Variants in DNHD1 observed in about 807,000 individuals in gnomAD.
DNHD1 encodes the protein dynein heavy chain domain-containing protein 1.
In DNHD1, 383 loss-of-function variants were observed where a neutral mutation model predicts 458.1. The ratio of observed to expected loss-of-function variants is 0.84; its 90% confidence interval spans 0.77 to 0.91. DNHD1 has a LOEUF of 0.91. DNHD1 is among the 40% of genes least tolerant of loss of function. The pLI, the probability that DNHD1 is intolerant of heterozygous loss-of-function variation, is 0.00. For synonymous variants in DNHD1, 2,203 were observed against 2,376.9 expected, an observed-to-expected ratio of 0.93 and a Z score of 2.13; for missense variants, 5,336 against 5,866.1, an observed-to-expected ratio of 0.91 and a Z score of 2.95.
chr11:6,571,209 T>C lies in DNHD1; in HGVS notation c.13697T>C (p.Leu4566Ser), dbSNP rs1853841689. Reference sequence around the variant, plus strand: ...CGTGGGCAACTGTTGGTTCGTTACTTGGGCGTGGGCGCGGACGCGAGCAGT... The same window carrying C: ...CGTGGGCAACTGTTGGTTCGTTACTCGGGCGTGGGCGCGGACGCGAGCAGT... ...SRRGQLLVRY[L>S]GVGADASSDV... The change falls in exon 42 of 43, where the codon TTG (leucine) becomes TCG (serine). Residue 4566 changes from leucine (L) to serine (S), a missense_variant. This residue lies in a region of DNHD1 where 698 missense variants were observed against 664.9 expected (regional missense o/e 1.05). Transcript: ENST00000254579. This position sits in a 1 kb window ranked among gnomAD's most constrained non-coding sequence, Gnocchi z 5.0. The C allele has an allele frequency of 1.2e-6, 2 of 1,607,526 alleles. No homozygotes were observed. Among genetic ancestry groups the C allele is most frequent in the Non-Finnish European group, 1.7e-6 (2 of 1,176,184 alleles).
At position 6,519,812 on chromosome 11, in the gene DNHD1, CTTGGAA is replaced by C. The variant is rs1181706003; in HGVS notation, c.1606_1611del (p.Leu536_Glu537del). The C allele has an allele frequency of 5.0e-6, 8 of 1,612,920 alleles. No homozygotes were observed. Among genetic ancestry groups the C allele is most frequent in the African/African-American group, 1.3e-5 (1 of 74,924 alleles). On this transcript the variant is annotated inframe_deletion, in exon 8 of 43. Transcript: ENST00000254579. Reference sequence around the variant, plus strand: ...TGATTTGTCAGAGCCTCATTTCTGTCTTGGAAGAGCAGATAACCTCTTTTGTGGCCA... The same window carrying C: ...TGATTTGTCAGAGCCTCATTTCTGTCGAGCAGATAACCTCTTTTGTGGCCA...
Position 6,568,853 on chromosome 11 carries a change from C to A in DNHD1, c.12850C>A (p.His4284Asn). Residue 4284 changes from histidine (H) to asparagine (N), a missense_variant, in exon 39 of 43, where the codon CAC (histidine) becomes AAC (asparagine). His to Asn is a moderately conservative substitution (Grantham distance 68, BLOSUM62 1). Around this residue, in one of 4 missense-constraint regions of DNHD1, gnomAD observed 698 missense variants for 664.9 expected, o/e 1.05. Transcript: ENST00000254579. The part of the protein sequence containing the change: ...RQLYGTRLQA[H>N]RGRWSQVTLT... ...GCTCTATGGAACAAGGCTGCAGGCA[C>A]ACAGGGGGCGCTGGTGAGGGACCCC... 1 of 1,610,250 alleles carries A rather than the reference C, an allele frequency of 6.2e-7. No homozygotes were observed. Among genetic ancestry groups the A allele is most frequent in the East Asian group, 2.2e-5 (1 of 44,690 alleles).
Position 6,570,704 on chromosome 11 carries a change from A to C in DNHD1, c.13192A>C (p.Ser4398Arg). Residue 4398 changes from serine to arginine, a missense_variant, in exon 42 of 43, where the codon AGT (serine) becomes CGT (arginine). By Grantham distance (110) the Ser-to-Arg change is moderately radical (BLOSUM62 -1). Coordinates refer to ENST00000254579, the MANE Select transcript of DNHD1 (RefSeq NM_144666.3). ...ACCTGAACCCCGGCTCTGCGGACTG[A>C]GTGAGGGCCCCCAAGCCTGGCTGTT... Reference protein sequence around the residue: ...SPPEPRLCGLSEGPQAWLLRR... With the variant: ...SPPEPRLCGLREGPQAWLLRR... 1 of 1,611,432 alleles carries C rather than the reference A, an allele frequency of 6.2e-7. No individual in the cohort carries two copies. Among genetic ancestry groups the C allele is most frequent in the South Asian group, 1.1e-5 (1 of 90,496 alleles).
intron 32 of DNHD1, among the ~76,000 whole-genome samples, chr11:6,565,343 A>G (rs531791380): frequency 1.3e-5 from 2 of 152,338 alleles, no homozygotes; most frequent in African/African-American, 2.4e-5. Context: ...AAGAAAAGGC[A>G]TAGAAAATAC....
Position 6,567,296 on chromosome 11 carries a change from C to T in DNHD1, c.11787C>T (p.Thr3929=). 1 of 1,614,054 alleles carries T rather than the reference C, an allele frequency of 6.2e-7. No homozygotes were observed. Among genetic ancestry groups the T allele is most frequent in the Non-Finnish European group, 8.5e-7 (1 of 1,179,904 alleles). Residue 3929 remains threonine, a synonymous_variant, in exon 36 of 43, where the codon ACC becomes ACT. Coordinates refer to ENST00000254579, the MANE Select transcript of DNHD1 (RefSeq NM_144666.3). The part of the protein sequence containing the change: ...LGSTVTALGL[T]QVPLVGALGA... The stretch of plus-strand genomic sequence containing the variant: ...GCACCGTGACTGCACTGGGCCTTAC[C>T]CAAGTACCCTTGGTGGGTGCATTGG...
intron 39 of DNHD1, 82 bp downstream of exon 39, chr11:6,568,948 T>C: frequency 1.4e-6 from 2 of 1,426,826 alleles, no homozygotes; most frequent in Non-Finnish European, 1.9e-6. Context: ...TGAGTAAAAC[T>C]AATTCATCTT....
Position 6,519,904 on chromosome 11 carries a change from A to G in DNHD1, c.1647+50A>G, listed in dbSNP as rs1055736063. ...GAGGTGGCAGGCAGTCCAGGGCCAG[A>G]TGCTGAGGAATGTATACTGACATCT... On this transcript the variant is annotated intron_variant, in intron 8 of 42. Transcript: ENST00000254579. The G allele has an allele frequency of 4.3e-6, 7 of 1,612,928 alleles. No individual in the cohort carries two copies. The African/African-American group carries it at 8.0e-5, about 18-fold the overall frequency.
Position 6,544,650 on chromosome 11 carries a change from C to T in DNHD1, c.3831C>T (p.Ile1277=). Residue 1277 remains isoleucine, a synonymous_variant, in exon 20 of 43, where the codon ATC becomes ATT. Transcript: ENST00000254579. ...ATAAAGTTCTGCATGAGATGAAGAT[C>T]CAGTTTCCTAATGCTGACCTGGTAG... ...FLNKVLHEMK[I]QFPNADLNSR... 6.4e-7 allele frequency: 1 copy of T among 1,551,530 alleles called. No homozygotes were observed. Among genetic ancestry groups the T allele is most frequent in the Non-Finnish European group, 8.7e-7 (1 of 1,146,948 alleles).
Position 6,545,394 on chromosome 11 carries a change from C to G in DNHD1, c.4455C>G (p.Pro1485=). ...PSLGEALKQL[P]KQNKLYLQLY... is the part of the protein sequence containing the mutation. ...TAGGTGAGGCCCTCAAGCAACTGCC[C>G]AAGCAAAACAAGTTGTACCTGCAAC... The change falls in exon 21 of 43, where the codon CCC becomes CCG. Residue 1485 remains proline, a synonymous_variant. Coordinates refer to ENST00000254579, the MANE Select transcript of DNHD1 (RefSeq NM_144666.3). This position sits in a 1 kb window ranked among gnomAD's most constrained non-coding sequence, Gnocchi z 4.9. 1 of 1,551,756 alleles carries G rather than the reference C, an allele frequency of 6.4e-7. No individual in the cohort carries two copies. Among genetic ancestry groups the G allele is most frequent in the East Asian group, 2.4e-5 (1 of 40,924 alleles).
chr11:6,547,543 C>T lies in DNHD1; in HGVS notation c.6604C>T (p.Leu2202=). 1 of 1,551,218 alleles carries T rather than the reference C, an allele frequency of 6.4e-7. No individual in the cohort carries two copies. The highest frequency in any genetic ancestry group is 1.2e-5 in the South Asian group (1 of 84,046). Residue 2202 remains leucine (L), a synonymous_variant, in exon 21 of 43, where the codon CTG becomes TTG. Coordinates refer to ENST00000254579, the MANE Select transcript of DNHD1 (RefSeq NM_144666.3). ...FLTCQGVSSL[L]QVHGQQAVCA... ...CACCTGCCAAGGTGTCAGCTCTCTG[C>T]TGCAGGTACACGGGCAGCAGGCTGT...
chr11:6,533,570 G>A (rs1329430939), intron 13 of DNHD1, 111 bp from the exon 14 acceptor site: 1 of 1,338,066 alleles, frequency 7.5e-7, no homozygotes, highest in Non-Finnish European at 1.0e-6. Context: ...TTACAAGGCT[G>A]CAACTGGGTC....
Position 6,563,729 on chromosome 11 carries a change from T to C in DNHD1, c.9889T>C (p.Ser3297Pro), listed in dbSNP as rs1335068490. 6.5e-7 allele frequency: 1 copy of C among 1,549,208 alleles called. No individual in the cohort carries two copies. Among genetic ancestry groups the C allele is most frequent in the East Asian group, 2.4e-5 (1 of 40,856 alleles). ...VFFPKEKITD[S>P]ELIKLHLILK... Reference sequence around the variant, plus strand: ...CTTCCCCAAGGAGAAGATAACAGACTCAGAGCTGATAAAGTTACATCTAAT... The same window carrying C: ...CTTCCCCAAGGAGAAGATAACAGACCCAGAGCTGATAAAGTTACATCTAAT... The change falls in exon 31 of 43, where the codon TCA (serine) becomes CCA (proline). Residue 3297 changes from serine to proline, a missense_variant. Transcript: ENST00000254579.
At chr11:6,517,431 G>C (rs1410661867) in intron 7 of DNHD1, among the ~76,000 whole-genome samples, 1 of 152,002 alleles carries the variant, frequency 6.6e-6, no homozygotes, top group African/African-American at 2.4e-5. Flanking sequence ...TTTTATTGCA[G>C]GATTATTCAC....
chr11:6,568,754 C>T lies in DNHD1; in HGVS notation c.12751C>T (p.Gln4251Ter). ...GATTGACAGTGTGGAGCTAGCCCAG[C>T]AAGTACTCTACATGCAACCCCCCAC... ...VLIDSVELAQ[Q>*]VLYMQPPTQA... Residue 4251 changes from glutamine (Q) to a stop codon, truncating the protein, a stop_gained, in exon 39 of 43, where the codon CAA becomes TAA. Coordinates refer to ENST00000254579, the MANE Select transcript of DNHD1 (RefSeq NM_144666.3). LOFTEE classifies it high-confidence loss of function. The T allele has an allele frequency of 6.2e-7, 1 of 1,613,616 alleles. No individual in the cohort carries two copies. The highest frequency in any genetic ancestry group is 1.1e-5 in the South Asian group (1 of 90,982).
intron 4 of DNHD1, among the ~76,000 whole-genome samples, chr11:6,507,576 A>G (rs1324063112): frequency 1.3e-5 from 2 of 152,172 alleles, no homozygotes; most frequent in Non-Finnish European, 2.9e-5. Flanking sequence ...GGGAATGAGA[A>G]GAGTACTGTA....
chr11:6,521,182 T>C (rs1182113585), intron 10 of DNHD1, among the ~76,000 whole-genome samples: 1 of 152,234 alleles, frequency 6.6e-6, no homozygotes, highest in Non-Finnish European at 1.5e-5. Flanking sequence ...ACCTGAAGAA[T>C]TATTTTAAAG....
chr11:6,507,621 A>G (rs1354209927), intron 4 of DNHD1, among the ~76,000 whole-genome samples: 4 of 152,182 alleles, frequency 2.6e-5, no homozygotes, highest in Non-Finnish European at 5.9e-5. Flanking sequence ...AGCAGCCTCC[A>G]TTAAGTAGGT....
chr11:6,532,853 A>G (rs1290629980), intron 12 of DNHD1, among the ~76,000 whole-genome samples, 174 bp from the exon 13 acceptor site: 1 of 152,198 alleles, frequency 6.6e-6, no homozygotes, highest in African/African-American at 2.4e-5. Context: ...TATAGAGCAC[A>G]GTCCCCAGTG....
rs371507052 is a variant in DNHD1, at chr11:6,567,238, T to C, written c.11729T>C (p.Leu3910Ser). The part of the protein sequence containing the change: ...GEDLASHLLQ[L>S]RAHLTRQLLG... The stretch of plus-strand genomic sequence containing the variant: ...GACCTGGCCAGCCATCTACTGCAAT[T>C]GAGAGCACACCTGACCCGCCAGCTG... Residue 3910 changes from leucine (L) to serine (S), a missense_variant, in exon 36 of 43, where the codon TTG becomes TCG. Around this residue, in one of 4 missense-constraint regions of DNHD1, gnomAD observed 695 missense variants for 804.2 expected, o/e 0.86. Coordinates refer to ENST00000254579, the MANE Select transcript of DNHD1 (RefSeq NM_144666.3). The C allele has an allele frequency of 6.5e-5, 105 of 1,613,856 alleles. No individual in the cohort carries two copies. Among genetic ancestry groups the C allele is most frequent in the Non-Finnish European group, 8.8e-5 (104 of 1,179,900 alleles).
Sources: allele counts gnomAD v4.1 joint callset (sites outside exome capture counted in the v4.1 genomes callset), GRCh38; gene constraint gnomAD v4.1.1; regional missense constraint gnomAD v4.1.1; non-coding constraint Gnocchi (gnomAD v3.1); transcripts MANE v1.5; gene names NCBI Gene and HGNC (gene_info 2026-07-23, HGNC 2026-07-21).